DOCK2: variants seen among roughly 807,000 people sequenced by gnomAD.
The protein encoded by DOCK2 is dedicator of cytokinesis protein 2.
Under a neutral mutation model 248.9 loss-of-function variants are expected in DOCK2, and 87 were observed. The observed-to-expected ratio is 0.35, with a 90% CI of 0.29 to 0.42. DOCK2 has a LOEUF of 0.42. Among genes scored for constraint, DOCK2 ranks in the 10% least tolerant of loss-of-function variants. The pLI is 1.00. For synonymous variants in DOCK2, 805 were observed against 821.6 expected (o/e 0.98, Z 0.35); for missense variants, 1,747 against 2,300.2 (o/e 0.76, Z 4.92).
intron 36 of DOCK2, among the ~76,000 whole-genome samples, chr5:170,037,706 G>A (rs544530762): frequency 5.3e-5 from 8 of 152,094 alleles, no homozygotes; most frequent in South Asian, 4.2e-4. Flanking sequence ...GGCTGGTCTC[G>A]AACTCCCAAC....
chr5:169,667,094 G>A (rs1228066557), intron 2 of DOCK2, among the ~76,000 whole-genome samples: 1 of 152,198 alleles, frequency 6.6e-6, no homozygotes, highest in Admixed American at 6.5e-5. Flanking sequence ...TACCTTAATG[G>A]AGTCCCTGTC....
At chr5:169,882,145 C>G (rs972460894) in intron 27 of DOCK2, among the ~76,000 whole-genome samples, 2 of 152,142 alleles carry the variant, frequency 1.3e-5, no homozygotes, top group Admixed American at 6.5e-5. Flanking sequence ...TCCTTTGTCA[C>G]AATGACATGA....
chr5:169,656,285 T>C (rs1758109819), intron 2 of DOCK2, among the ~76,000 whole-genome samples: 2 of 151,666 alleles, frequency 1.3e-5, no homozygotes, highest in Admixed American at 6.6e-5. Flanking sequence ...ATGGAGGCAG[T>C]GAAATGACTC....
intron 3 of DOCK2, 145 bp downstream of exon 3, chr5:169,669,473 G>C: frequency 1.2e-6 from 1 of 854,510 alleles, no homozygotes; most frequent in Non-Finnish European, 1.9e-6. Flanking sequence ...TCTGACCTCT[G>C]TGCCTTGTCA....
intron 23 of DOCK2, among the ~76,000 whole-genome samples, chr5:169,759,487 T>TA (rs1327445555): frequency 6.6e-6 from 1 of 152,250 alleles, no homozygotes; most frequent in African/African-American, 2.4e-5. Flanking sequence ...TAGTCTATGT[T>TA]ATTGCCTCCT....
At chr5:170,012,220 CG>C (rs1249904425) in intron 32 of DOCK2, among the ~76,000 whole-genome samples, 2 of 151,278 alleles carry the variant, frequency 1.3e-5, no homozygotes, top group African/African-American at 4.9e-5. Context: ...AAATGACCAA[CG>C]ATCTACGCTT....
At chr5:169,852,927 G>A (rs1373996895) in intron 27 of DOCK2, among the ~76,000 whole-genome samples, 2 of 152,170 alleles carry the variant, frequency 1.3e-5, no homozygotes, top group South Asian at 2.1e-4. Flanking sequence ...GTCCTTCCCT[G>A]GGGGTGTTGT....
chr5:169,668,837 T>G (rs1418471028), intron 2 of DOCK2, among the ~76,000 whole-genome samples: 1 of 152,208 alleles, frequency 6.6e-6, no homozygotes, highest in Non-Finnish European at 1.5e-5. Context: ...AGTGTTATTT[T>G]AGGATGTTTG....
At chr5:169,883,994 T>C (rs1008866289) in intron 27 of DOCK2, 20 of 1,217,602 alleles carry the variant, frequency 1.6e-5, no homozygotes, top group African/African-American at 3.0e-5. Context: ...ATTTCAATCA[T>C]AGAGAACTGC....
intron 2 of DOCK2, among the ~76,000 whole-genome samples, chr5:169,660,533 T>G (rs1758386722): frequency 6.6e-6 from 1 of 152,192 alleles, no homozygotes; most frequent in South Asian, 2.1e-4. Context: ...TGAACACATA[T>G]CTATTACCAC....
chr5:170,013,095 G>T (rs72494512), intron 32 of DOCK2, among the ~76,000 whole-genome samples: 12,447 of 152,054 alleles, frequency 0.082, 655 homozygotes, highest in East Asian at 0.26. Context: ...ATTCCATGTG[G>T]GGAAATGGCT....
chr5:170,059,953 C>T (rs1176786227), intron 44 of DOCK2, among the ~76,000 whole-genome samples: 1 of 152,162 alleles, frequency 6.6e-6, no homozygotes, highest in African/African-American at 2.4e-5. Flanking sequence ...GATGAGTTAC[C>T]AGGAATTTCA....
At chr5:169,677,303 ATAACTC>A (rs1261033296) in intron 6 of DOCK2, among the ~76,000 whole-genome samples, 2 of 152,168 alleles carry the variant, frequency 1.3e-5, no homozygotes, top group Non-Finnish European at 2.9e-5. Context: ...CCACACCACT[ATAACTC>A]TAAGTGGACA....
intron 27 of DOCK2, among the ~76,000 whole-genome samples, chr5:169,871,826 C>T (rs1771998484): frequency 1.3e-5 from 2 of 152,156 alleles, no homozygotes; most frequent in African/African-American, 2.4e-5. Context: ...CTGACCAGTC[C>T]ACCTTGGAAT....
intron 26 of DOCK2, among the ~76,000 whole-genome samples, chr5:169,813,504 C>A (rs1767883428): frequency 6.6e-6 from 1 of 152,178 alleles, no homozygotes; most frequent in Admixed American, 6.5e-5. Context: ...CATCTACCAG[C>A]ACACCCCTGC....
chr5:169,821,984 A>G (rs1581241828), intron 26 of DOCK2, among the ~76,000 whole-genome samples: 1 of 152,234 alleles, frequency 6.6e-6, no homozygotes, highest in African/African-American at 2.4e-5. Context: ...CTCTGATAAA[A>G]CAGACTTTAA....
Position 169,924,224 on chromosome 5 carries a change from A to G in DOCK2, c.2800-58844A>G, listed in dbSNP as rs183192308. ...GGTACTGGGTTGAGTTACACCAGCC[A>G]CACACACTAGCTCTGGCCCTGAGCT... is the stretch of plus-strand genomic sequence containing the variant. On this transcript the variant is annotated intron_variant, in intron 27 of 51. Transcript: ENST00000520908. Among the ~76,000 whole-genome samples, 20 of 152,312 alleles carry G rather than the reference A, an allele frequency of 1.3e-4. No individual in the cohort carries two copies. The East Asian group carries it at 3.9e-3, about 29-fold the overall frequency.
At chr5:169,981,913 G>A (rs1036063551) in intron 27 of DOCK2, among the ~76,000 whole-genome samples, 2 of 151,990 alleles carry the variant, frequency 1.3e-5, no homozygotes, top group Admixed American at 6.6e-5. Flanking sequence ...ACATTCATGC[G>A]ACTGGCTTGA....
rs540053713 is a variant in DOCK2 at position 169,911,130 on chromosome 5, T to TTTTTA, written c.2799+70291_2799+70295dup. 4.6e-5 allele frequency among the ~76,000 whole-genome samples: 7 copies of TTTTTA among 152,304 alleles called. No homozygotes were observed. The South Asian group carries it at 1.5e-3, about 32-fold the overall frequency. ...TTCTAGGTTTATTTCTTCATTAATG[T>TTTTTA]TTTTATTTTATTTTATTATTTTTCA... is the stretch of plus-strand genomic sequence containing the variant. On this transcript the variant is annotated intron_variant, in intron 27 of 51. Transcript: ENST00000520908.
Sources: allele counts gnomAD v4.1 joint callset (sites outside exome capture counted in the v4.1 genomes callset), GRCh38; gene constraint gnomAD v4.1.1; transcripts MANE v1.5; gene names NCBI Gene and HGNC (gene_info 2026-07-23, HGNC 2026-07-21).